The following SRBD1 variants were observed in gnomAD, a reference collection of about 807,000 sequenced individuals.
SRBD1 encodes S1 RNA binding domain 1, also known as S1 RNA-binding domain-containing protein 1.
SRBD1 carries 88 observed loss-of-function variants against 115.3 expected under a neutral mutation model. That is an observed-to-expected ratio of 0.76 (90% CI 0.64 to 0.91). The LOEUF is 0.91. Ranked by LOEUF, SRBD1 falls within the 40% of genes least tolerant of loss-of-function variation. SRBD1 has a pLI of 0.00. For synonymous variants in SRBD1, 509 were observed against 407.7 expected (o/e 1.25, Z -2.99); for missense variants, 1,385 against 1,177.4 (o/e 1.18, Z -2.58).
intron 14 of SRBD1, among the ~76,000 whole-genome samples, chr2:45,508,536 C>G (rs1427489165): frequency 1.3e-5 from 2 of 152,018 alleles, no homozygotes; most frequent in Non-Finnish European, 2.9e-5. Context: ...AGTTTTCCAA[C>G]TCAAAATTAG....
chr2:45,459,240 A>G (rs1669241987), intron 16 of SRBD1, among the ~76,000 whole-genome samples: 1 of 152,242 alleles, frequency 6.6e-6, no homozygotes, highest in Non-Finnish European at 1.5e-5. Flanking sequence ...AACTAACAGA[A>G]GTTTAAAGTG....
At chr2:45,563,403 A>G (rs72617000) in intron 9 of SRBD1, among the ~76,000 whole-genome samples, 6,740 of 152,064 alleles carry the variant, frequency 0.044, 239 homozygotes, top group East Asian at 0.15. Context: ...AAAACACATT[A>G]AAAACACTCC....
At chr2:45,396,048 T>A (rs1329627489) in intron 19 of SRBD1, among the ~76,000 whole-genome samples, 1 of 152,116 alleles carries the variant, frequency 6.6e-6, no homozygotes, top group Non-Finnish European at 1.5e-5. Context: ...GTGATAAATA[T>A]CTGTCAGACA....
chr2:45,494,021 CAA>C (rs1475666167), intron 14 of SRBD1, among the ~76,000 whole-genome samples: 16 of 151,686 alleles, frequency 1.1e-4, no homozygotes, highest in Non-Finnish European at 2.2e-4. Flanking sequence ...TGTAAAAATT[CAA>C]AAAAATTAAA....
intron 15 of SRBD1, among the ~76,000 whole-genome samples, chr2:45,480,822 G>C (rs142850354): frequency 9.8e-4 from 148 of 151,468 alleles, no homozygotes; most frequent in African/African-American, 3.3e-3. Flanking sequence ...CACTGATAAA[G>C]CAGCAGCAGC....
chr2:45,467,354 C>T (rs527941836), intron 16 of SRBD1, among the ~76,000 whole-genome samples: 1 of 152,312 alleles, frequency 6.6e-6, no homozygotes, highest in South Asian at 2.1e-4. Context: ...TAAGGTTTCT[C>T]ATTTAAATAA....
chr2:45,459,997 G>C (rs1460628124), intron 16 of SRBD1, among the ~76,000 whole-genome samples: 2 of 152,190 alleles, frequency 1.3e-5, no homozygotes, highest in South Asian at 2.1e-4. Flanking sequence ...AGGTCAATGA[G>C]CATAGTTATG....
chr2:45,497,360 T>C (rs1030072845), intron 14 of SRBD1, among the ~76,000 whole-genome samples: 3 of 152,214 alleles, frequency 2.0e-5, no homozygotes, highest in African/African-American at 7.2e-5. Flanking sequence ...ATTCAAACCC[T>C]TCCTGCAGTT....
intron 19 of SRBD1, among the ~76,000 whole-genome samples, chr2:45,393,616 G>C (rs1406527149): frequency 6.6e-6 from 1 of 152,134 alleles, no homozygotes; most frequent in East Asian, 1.9e-4. Flanking sequence ...TCCTGACCTC[G>C]TGATCTGCCT....
At chr2:45,582,442 G>A (rs1673394534) in intron 5 of SRBD1, among the ~76,000 whole-genome samples, 1 of 152,082 alleles carries the variant, frequency 6.6e-6, no homozygotes, top group African/African-American at 2.4e-5. Flanking sequence ...GTATCTGTGG[G>A]TTTCTCCAAG....
intron 18 of SRBD1, among the ~76,000 whole-genome samples, chr2:45,415,592 C>G (rs1175604471): frequency 7.4e-6 from 1 of 134,636 alleles, no homozygotes; most frequent in African/African-American, 2.7e-5. Context: ...CAAAAATATA[C>G]ATAAAATATT....
At chr2:45,447,133 C>T (rs1668849712) in intron 16 of SRBD1, 1 of 152,224 alleles carries the variant, frequency 6.6e-6, no homozygotes, top group Admixed American at 6.5e-5. Flanking sequence ...CTTTTCCCAT[C>T]ACTTGTAAAA....
At chr2:45,531,601 G>C (rs1671614004) in intron 14 of SRBD1, among the ~76,000 whole-genome samples, 1 of 151,610 alleles carries the variant, frequency 6.6e-6, no homozygotes, top group Admixed American at 6.6e-5. Flanking sequence ...AAAATAAAAT[G>C]CTTTTAAATA....
intron 14 of SRBD1, among the ~76,000 whole-genome samples, chr2:45,532,260 A>G (rs1671636250): frequency 6.6e-6 from 1 of 151,888 alleles, no homozygotes; most frequent in Non-Finnish European, 1.5e-5. Context: ...AGCTTGTAAA[A>G]GGATGCAAAC....
intron 10 of SRBD1, among the ~76,000 whole-genome samples, chr2:45,561,513 T>C (rs1385649272): frequency 6.6e-6 from 1 of 152,248 alleles, no homozygotes; most frequent in Non-Finnish European, 1.5e-5. Context: ...GTCATCTAAC[T>C]TTTTAAGTAT....
At chr2:45,563,829 G>T (rs1672744801) in intron 9 of SRBD1, among the ~76,000 whole-genome samples, 1 of 152,040 alleles carries the variant, frequency 6.6e-6, no homozygotes, top group Non-Finnish European at 1.5e-5. Flanking sequence ...ACAAATAAAT[G>T]TCCAGGCCCA....
intron 14 of SRBD1, among the ~76,000 whole-genome samples, chr2:45,492,100 C>T (rs111885149): frequency 0.024 from 3,624 of 152,206 alleles, 149 homozygotes; most frequent in African/African-American, 0.083. Flanking sequence ...GGATCACAGG[C>T]GTGAGCCACT....
intron 14 of SRBD1, among the ~76,000 whole-genome samples, chr2:45,522,620 C>T (rs1313806373): frequency 6.6e-6 from 1 of 152,138 alleles, no homozygotes; most frequent in Non-Finnish European, 1.5e-5. Context: ...TAAAATTTTC[C>T]TCCATTTCTG....
At chr2:45,576,322 A>T (rs1251624468) in intron 7 of SRBD1, among the ~76,000 whole-genome samples, 6 of 152,198 alleles carry the variant, frequency 3.9e-5, no homozygotes, top group African/African-American at 4.8e-5. Flanking sequence ...AATGTGTGTT[A>T]ATCAGCTTTA....
Sources: allele counts gnomAD v4.1 joint callset (sites outside exome capture counted in the v4.1 genomes callset), GRCh38; gene constraint gnomAD v4.1.1; transcripts MANE v1.5; gene names NCBI Gene and HGNC (gene_info 2026-07-23, HGNC 2026-07-21).